The following RPL28 variants were observed in gnomAD, a reference collection of about 807,000 sequenced individuals.
The protein encoded by RPL28 is ribosomal protein L28.
A neutral mutation model predicts 12.5 loss-of-function variants in RPL28; 4 were observed. The observed-to-expected ratio is 0.32, with a 90% CI of 0.16 to 0.73. The LOEUF (loss-of-function observed/expected upper bound fraction) is 0.73, where lower values mean the gene tolerates loss of function less well. Among genes scored for constraint, RPL28 ranks in the 30% least tolerant of loss-of-function variants. RPL28 has a pLI of 0.66. For missense variants in RPL28, 214 were observed against 197.7 expected (o/e 1.08, Z -0.49); for synonymous variants, 91 against 72.5 (o/e 1.26, Z -1.30).
Position 55,389,396 on chromosome 19 carries a change from A to C in RPL28, c.*1064A>C, listed in dbSNP as rs2089967651. ...GGAAAGAGTCCTGCTGTTGATCCTCACATGTTTCCTGGGCACCTAACTCTG... is the reference window on the plus strand; with the variant it reads ...GGAAAGAGTCCTGCTGTTGATCCTCCCATGTTTCCTGGGCACCTAACTCTG... On this transcript the variant is annotated 3_prime_UTR_variant, in exon 5 of 5. Transcript: ENST00000344063. 1 of 985,242 alleles carries C rather than the reference A, an allele frequency of 1.0e-6. No individual in the cohort carries two copies. Among genetic ancestry groups the C allele is most frequent in the Non-Finnish European group, 1.2e-6 (1 of 829,932 alleles). The allele number at this position is 985,242 out of a possible 1,614,324, so 61.0% of individuals were successfully genotyped here. A position where few individuals can be genotyped will look rare whatever the true frequency, so the allele number is the denominator to read the frequency against.
downstream of RPL28, among the ~76,000 whole-genome samples, chr19:55,395,788 C>T (rs766478669): frequency 1.3e-5 from 2 of 152,128 alleles, no homozygotes; most frequent in Non-Finnish European, 2.9e-5. Flanking sequence ...TGAAATGGCT[C>T]CCTTTCATTC....
rs755058781 is a variant in RPL28 at position 55,388,032 on chromosome 19, G to A, written c.308G>A (p.Arg103His). 1.2e-6 allele frequency: 2 copies of A among 1,613,626 alleles called. No homozygotes were observed. The highest frequency in any genetic ancestry group is 8.5e-7 in the Non-Finnish European group (1 of 1,179,888). The change falls in exon 4 of 5, where the codon CGC (arginine) becomes CAC (histidine). Residue 103 changes from arginine (R) to histidine (H), a missense_variant. Arg to His is a conservative substitution (Grantham distance 29). Transcript: ENST00000344063. ...CACATGATCCGCAAGAACAAGTACC[G>A]CCCCGACCTGCGCATGGTGAGCTGG... is the stretch of plus-strand genomic sequence containing the variant. ...IRHMIRKNKY[R>H]PDLRMAAIRR... is the part of the protein sequence containing the mutation.
In RPL28 at chr19:55,390,953, A is replaced by C. The variant is rs2089984674; in HGVS notation, c.*2621A>C. ...CACAAATCATGTCTGTTGGCCTGGA[A>C]ATTGGAAAACCAGTTAAACCAAAAA... On this transcript the variant is annotated 3_prime_UTR_variant, in exon 5 of 5. Coordinates refer to ENST00000344063, the MANE Select transcript of RPL28 (RefSeq NM_000991.5). The C allele has an allele frequency of 1.6e-5, 16 of 985,362 alleles. No homozygotes were observed. Among genetic ancestry groups the C allele is most frequent in the African/African-American group, 1.2e-4 (7 of 57,242 alleles). The allele number at this position is 985,362 out of a possible 1,614,324, so 61.0% of individuals were successfully genotyped here. A position where few individuals can be genotyped will look rare whatever the true frequency, so the allele number is the denominator to read the frequency against.
chr19:55,399,927 C>T (rs1293147322), intron 4 of RPL28: 1 of 152,188 alleles, frequency 6.6e-6, no homozygotes. Flanking sequence ...ATCTGAAAAT[C>T]TGAAGGGTTT....
At chr19:55,387,526 AGGC>A in intron 3 of RPL28, 1 of 1,434,794 alleles carries the variant, frequency 7.0e-7, no homozygotes. Flanking sequence ...GGCCTGAGTG[AGGC>A]TGGGCCTCTC....
downstream of RPL28, among the ~76,000 whole-genome samples, chr19:55,395,907 A>G (rs549454363): frequency 2.6e-5 from 4 of 152,254 alleles, no homozygotes; most frequent in South Asian, 8.3e-4. Context: ...TTATATATGT[A>G]TTCTTTTGCC....
chr19:55,387,019 C>G, intron 3 of RPL28: 1 of 1,441,882 alleles, frequency 6.9e-7, no homozygotes, highest in South Asian at 1.5e-5. Flanking sequence ...ATGGTTTCAT[C>G]CCACAGGTGG....
At chr19:55,401,117 A>G (rs2090054104) in intron 4 of RPL28, 4 of 418,718 alleles carry the variant, frequency 9.6e-6, no homozygotes, top group Non-Finnish European at 1.7e-5. Context: ...TCCACAGAAC[A>G]AAGAGGTGGA....
At position 55,391,241 on chromosome 19, in the gene RPL28, C is replaced by A. The variant is rs2089987457; in HGVS notation, c.*2909C>A. On this transcript the variant is annotated 3_prime_UTR_variant, in exon 5 of 5. Transcript: ENST00000344063. ...CTAATGGTTCACGGAAGCCAGGAAT[C>A]AAACTGCCTGGGTTCCAGTCCCAGC... The A allele has an allele frequency of 3.4e-6, 1 of 293,498 alleles. No homozygotes were observed. The highest frequency in any genetic ancestry group is 5.4e-5 in the Admixed American group (1 of 18,672). The allele number at this position is 293,498 out of a possible 1,614,324, so 18.2% of individuals were successfully genotyped here.
At chr19:55,395,560 C>G (rs2090016144), downstream of RPL28, among the ~76,000 whole-genome samples, 1 of 151,824 alleles carries the variant, frequency 6.6e-6, no homozygotes, top group Non-Finnish European at 1.5e-5. Flanking sequence ...TCTCCTGCCT[C>G]AGCCTCCCTA....
chr19:55,393,633 T>TTG (rs1569044414), downstream of RPL28, among the ~76,000 whole-genome samples: 5 of 143,358 alleles, frequency 3.5e-5, no homozygotes, highest in African/African-American at 7.7e-5. Context: ...ACCAATTTGT[T>TTG]TTTTTTTTTT....
Position 55,388,664 on chromosome 19 carries a change from G to C in RPL28, c.*332G>C. ...GTGGCTTCCATTCAGAAGAAGAAAG[G>C]CCTTTTCTAGCCCAGAAGGGTGCAG... On this transcript the variant is annotated 3_prime_UTR_variant, in exon 5 of 5. Coordinates refer to ENST00000344063, the MANE Select transcript of RPL28 (RefSeq NM_000991.5). 1 of 1,122,596 alleles carries C rather than the reference G, an allele frequency of 8.9e-7. No individual in the cohort carries two copies. The highest frequency in any genetic ancestry group is 1.1e-6 in the Non-Finnish European group (1 of 918,526). The allele number at this position is 1,122,596 out of a possible 1,614,324, so 69.5% of individuals were successfully genotyped here. A position where few individuals can be genotyped will look rare whatever the true frequency, so the allele number is the denominator to read the frequency against.
Position 55,388,463 on chromosome 19 carries a change from A to G in RPL28, c.*131A>G. ...TCAGGCCATGTCATCAAAACTCTGC[A>G]TGTCACCTTGTCCATCTGGAGGTGA... On this transcript the variant is annotated 3_prime_UTR_variant, in exon 5 of 5. Transcript: ENST00000344063. 3.0e-6 allele frequency: 4 copies of G among 1,347,052 alleles called. No homozygotes were observed. The highest frequency in any genetic ancestry group is 4.1e-5 in the South Asian group (2 of 49,156). The allele number at this position is 1,347,052 out of a possible 1,614,324, so 83.4% of individuals were successfully genotyped here.
rs1393667041 is a variant in RPL28, at chr19:55,390,877, C to T, written c.*2545C>T. The T allele has an allele frequency of 1.0e-6, 1 of 985,112 alleles. No individual in the cohort carries two copies. The highest frequency in any genetic ancestry group is 6.2e-5 in the Admixed American group (1 of 16,228). The allele number at this position is 985,112 out of a possible 1,614,324, so 61.0% of individuals were successfully genotyped here. ...GACACCATTTCCCTCCTCTAGACCT[C>T]ATCTTGGAGAGAGAGATGTTGGATG... On this transcript the variant is annotated 3_prime_UTR_variant, in exon 5 of 5. Transcript: ENST00000344063.
At chr19:55,395,572 T>C (rs1314867796), downstream of RPL28, among the ~76,000 whole-genome samples, 2 of 151,826 alleles carry the variant, frequency 1.3e-5, no homozygotes, top group Non-Finnish European at 2.9e-5. Flanking sequence ...GCCTCCCTAG[T>C]AGCTGGGACT....
chr19:55,394,520 A>C (rs10421207), downstream of RPL28, among the ~76,000 whole-genome samples: 1 of 151,928 alleles, frequency 6.6e-6, no homozygotes, highest in Non-Finnish European at 1.5e-5. Context: ...CTTGGCCTCT[A>C]AAAGTGCTGG....
chr19:55,399,197 C>T (rs905445497), intron 4 of RPL28, among the ~76,000 whole-genome samples: 31 of 152,238 alleles, frequency 2.0e-4, no homozygotes, highest in African/African-American at 6.7e-4. Flanking sequence ...GACAGAGTCT[C>T]GCTCTGTCAC....
chr19:55,396,706 G>A (rs1260888188), downstream of RPL28, among the ~76,000 whole-genome samples: 1 of 144,444 alleles, frequency 6.9e-6, no homozygotes, highest in Non-Finnish European at 1.5e-5. Context: ...TCAGCCTCCC[G>A]AGTAACTGGG....
Position 55,388,783 on chromosome 19 carries a change from A to G in RPL28, c.*451A>G. The G allele has an allele frequency of 1.0e-6, 1 of 996,082 alleles. No individual in the cohort carries two copies. The highest frequency in any genetic ancestry group is 1.2e-6 in the Non-Finnish European group (1 of 837,456). 61.7% of individuals were successfully genotyped at this position (996,082 alleles called of 1,614,324 possible). A position where few individuals can be genotyped will look rare whatever the true frequency, so the allele number is the denominator to read the frequency against. ...GGGGGACGACAGACATCACGGGAGG[A>G]AGATGAGATGACTTTTGCATCCAGG... On this transcript the variant is annotated 3_prime_UTR_variant, in exon 5 of 5. Coordinates refer to ENST00000344063, the MANE Select transcript of RPL28 (RefSeq NM_000991.5).
Sources: allele counts gnomAD v4.1 joint callset (sites outside exome capture counted in the v4.1 genomes callset), GRCh38; gene constraint gnomAD v4.1.1; transcripts MANE v1.5; gene names NCBI Gene and HGNC (gene_info 2026-07-23, HGNC 2026-07-21).